SHMT1: variants seen among roughly 807,000 people sequenced by gnomAD.
SHMT1 encodes serine hydroxymethyltransferase 1.
Under a neutral mutation model 49.0 loss-of-function variants are expected in SHMT1, and 45 were observed. The observed-to-expected ratio is 0.92, with a 90% confidence interval of 0.72 to 1.18. SHMT1 has a LOEUF of 1.18. Among genes scored for constraint, SHMT1 ranks in the 50% most tolerant of loss-of-function variants. The pLI, the probability that SHMT1 is intolerant of heterozygous loss-of-function variation, is 0.00. For missense variants in SHMT1, 541 were observed against 612.4 expected (o/e 0.88, Z 1.23); for synonymous variants, 232 against 246.6 (o/e 0.94, Z 0.55).
At chr17:18,333,065 G>GCA in intron 9 of SHMT1, 101 bp downstream of exon 9, 1 of 1,445,964 alleles carries the variant, frequency 6.9e-7, no homozygotes, top group Non-Finnish European at 9.7e-7. Context: ...CATTGCAGCT[G>GCA]CAGCAGCAGA....
intron 3 of SHMT1, among the ~76,000 whole-genome samples, chr17:18,352,712 C>T (rs1303245135): frequency 2.6e-5 from 4 of 151,694 alleles, no homozygotes; most frequent in African/African-American, 9.7e-5. Context: ...CCCAGCGACT[C>T]AGTAGGCTGA....
intron 8 of SHMT1, 153 bp from the exon 9 acceptor site, chr17:18,333,441 AT>A: frequency 2.5e-6 from 1 of 407,100 alleles, no homozygotes; most frequent in Non-Finnish European, 4.0e-6. Flanking sequence ...AAAATGATAT[AT>A]TTTTAAAAAT....
In SHMT1 at chr17:18,328,573, A is replaced by T. The variant is rs888902042; in HGVS notation, c.*177T>A. On this transcript the variant is annotated 3_prime_UTR_variant, in exon 12 of 12. Coordinates refer to ENST00000316694, the MANE Select transcript of SHMT1 (RefSeq NM_004169.5). ...CTGTCCCAGAATTACTAACAATGAG[A>T]CTTAAACAAATTTTGATTTGTGAAG... 39 of 656,110 alleles carry T rather than the reference A, an allele frequency of 5.9e-5. No homozygotes were observed. The highest frequency in any genetic ancestry group is 8.8e-5 in the Non-Finnish European group (34 of 387,588). The allele number at this position is 656,110 out of a possible 1,614,324, so 40.6% of individuals were successfully genotyped here. A position where few individuals can be genotyped will look rare whatever the true frequency, so the allele number is the denominator to read the frequency against.
At chr17:18,341,315 T>G in intron 5 of SHMT1, 1 of 188,542 alleles carries the variant, frequency 5.3e-6, no homozygotes, top group Non-Finnish European at 1.1e-5. Flanking sequence ...AATAAGCAAA[T>G]TTAGCAAGGT....
At chr17:18,353,616 G>A in intron 3 of SHMT1, 56 bp downstream of exon 3, 2 of 1,580,090 alleles carry the variant, frequency 1.3e-6, no homozygotes, top group South Asian at 1.1e-5. Context: ...GTCCTAGGCT[G>A]ACTGAGTACT....
At chr17:18,341,190 C>A in intron 5 of SHMT1, 4 of 257,262 alleles carry the variant, frequency 1.6e-5, no homozygotes, top group East Asian at 9.4e-5. Context: ...TATAATGAGG[C>A]AAGAAAAAGA....
intron 1 of SHMT1, 174 bp downstream of exon 1, chr17:18,363,198 C>T (rs1986931192): frequency 6.6e-6 from 1 of 152,218 alleles, no homozygotes; most frequent in African/African-American, 2.4e-5. Context: ...GGCTGGCCGC[C>T]GCCCGATCCC....
chr17:18,337,257 G>A (rs927706602), intron 7 of SHMT1, among the ~76,000 whole-genome samples: 3 of 152,208 alleles, frequency 2.0e-5, no homozygotes, highest in African/African-American at 4.8e-5. Context: ...TACAGCGGGT[G>A]TGCGGCAGAG....
rs1430510919 is a variant in SHMT1 at position 18,333,237 on chromosome 17, TGA to T, written c.981_982del (p.Tyr327Ter). The T allele has an allele frequency of 2.5e-6, 4 of 1,613,918 alleles. No homozygotes were observed. The highest frequency in any genetic ancestry group is 1.7e-5 in the Admixed American group (1 of 60,018). ...CCTGCAGTTGGCCACCACCTGGTGT[TGA>T]TAAACTTTAAATTCCAGAGTCATAG... On this transcript the variant is annotated stop_gained and frameshift_variant, in exon 9 of 12. Coordinates refer to ENST00000316694, the MANE Select transcript of SHMT1 (RefSeq NM_004169.5). LOFTEE classifies it high-confidence loss of function.
chr17:18,352,776 C>T (rs1425862670), intron 3 of SHMT1, among the ~76,000 whole-genome samples: 1 of 150,414 alleles, frequency 6.6e-6, no homozygotes, highest in Non-Finnish European at 1.5e-5. Context: ...ACCTTGATCA[C>T]ACCACTGCAC....
chr17:18,339,777 GT>G, intron 7 of SHMT1, among the ~76,000 whole-genome samples: 1 of 152,154 alleles, frequency 6.6e-6, no homozygotes, highest in East Asian at 1.9e-4. Flanking sequence ...AGCCAGGATG[GT>G]CTTGATCTCC....
intron 3 of SHMT1, among the ~76,000 whole-genome samples, chr17:18,348,837 G>A (rs1304424566): frequency 2.0e-5 from 3 of 151,760 alleles, no homozygotes; most frequent in East Asian, 3.9e-4. Flanking sequence ...AATTAGCCAG[G>A]TGTTGTGGTG....
rs1053436677 is a variant in SHMT1 at position 18,330,438 on chromosome 17, C to A, written c.1171+117G>T. On this transcript the variant is annotated intron_variant, in intron 10 of 11. Transcript: ENST00000316694. ...GGCGTGAGCCACCGTGCCCAGCCCCCACTACAGTTTTTATGTGAGGTCTGT... is the reference window on the plus strand; with the variant it reads ...GGCGTGAGCCACCGTGCCCAGCCCCAACTACAGTTTTTATGTGAGGTCTGT... 24 of 843,312 alleles carry A rather than the reference C, an allele frequency of 2.8e-5. No individual in the cohort carries two copies. In the African/African-American group the frequency reaches 3.3e-4, roughly 12 times the overall value. 52.2% of individuals were successfully genotyped at this position (843,312 alleles called of 1,614,324 possible).
chr17:18,351,042 C>T (rs1181185297), intron 3 of SHMT1, among the ~76,000 whole-genome samples: 1 of 151,832 alleles, frequency 6.6e-6, no homozygotes, highest in Non-Finnish European at 1.5e-5. Flanking sequence ...CTATTGTTTT[C>T]AAATATTGCC....
At position 18,363,539 on chromosome 17, in the gene SHMT1, A is replaced by AGGCTTGGGCTTGGCCCCGCCCCC. The variant is rs1482071964; in HGVS notation, c.-188_-187insGGGGGCGGGGCCAAGCCCAAGCC. ...CTCAGGAAGGTGCACTCTGCGCGCC[A>AGGCTTGGGCTTGGCCCCGCCCCC]GGCTTGGGCTTGGCCCCGCCCCCGG... On this transcript the variant is annotated 5_prime_UTR_variant, in exon 1 of 12. Coordinates refer to ENST00000316694, the MANE Select transcript of SHMT1 (RefSeq NM_004169.5). 7.2e-5 allele frequency: 11 copies of AGGCTTGGGCTTGGCCCCGCCCCC among 152,266 alleles called. No homozygotes were observed. Among genetic ancestry groups the AGGCTTGGGCTTGGCCCCGCCCCC allele is most frequent in the Non-Finnish European group, 1.5e-4 (10 of 68,060 alleles). 9.4% of individuals were successfully genotyped at this position (152,266 alleles called of 1,614,324 possible).
chr17:18,355,367 C>CT (rs1986141058), intron 2 of SHMT1, among the ~76,000 whole-genome samples: 1 of 104,006 alleles, frequency 9.6e-6, no homozygotes, highest in South Asian at 3.3e-4. Context: ...AAGACTCTGT[C>CT]TCAAAAAAAA....
chr17:18,341,098 G>A (rs1001689404), intron 5 of SHMT1: 12 of 479,972 alleles, frequency 2.5e-5, no homozygotes, highest in Non-Finnish European at 3.8e-5. Context: ...AAACAAATGT[G>A]ACGGGACCAC....
intron 3 of SHMT1, 184 bp downstream of exon 3, chr17:18,353,488 T>C: frequency 1.4e-6 from 1 of 739,820 alleles, no homozygotes; most frequent in Non-Finnish European, 2.4e-6. Flanking sequence ...ACACCTGCGC[T>C]GAGCTCTTCA....
rs753057501 is a variant in SHMT1 at position 18,355,874 on chromosome 17, C to T, written c.96+12G>A. 70 of 1,597,680 alleles carry T rather than the reference C, an allele frequency of 4.4e-5. No homozygotes were observed. Among genetic ancestry groups the T allele is most frequent in the Non-Finnish European group, 5.8e-5 (68 of 1,165,386 alleles). Reference sequence around the variant, plus strand: ...AACATAAAAAAATCTGTGAAGACCCCAAAAATCTCACCTCAACATCACTGT... The same window carrying T: ...AACATAAAAAAATCTGTGAAGACCCTAAAAATCTCACCTCAACATCACTGT... On this transcript the variant is annotated intron_variant, in intron 2 of 11. Coordinates refer to ENST00000316694, the MANE Select transcript of SHMT1 (RefSeq NM_004169.5).
Sources: allele counts gnomAD v4.1 joint callset (sites outside exome capture counted in the v4.1 genomes callset), GRCh38; gene constraint gnomAD v4.1.1; transcripts MANE v1.5; gene names NCBI Gene and HGNC (gene_info 2026-07-23, HGNC 2026-07-21).